Variants in NEMP1 observed in about 807,000 individuals in gnomAD.
NEMP1 encodes the protein nuclear envelope integral membrane protein 1.
Under a neutral mutation model 53.7 loss-of-function variants are expected in NEMP1, and 29 were observed. That is an observed-to-expected ratio of 0.54 (90% CI 0.40 to 0.74). The LOEUF (loss-of-function observed/expected upper bound fraction) is 0.74. Among genes scored for constraint, NEMP1 ranks in the 30% least tolerant of loss-of-function variants. The pLI is 0.00. For synonymous variants in NEMP1, 193 were observed against 192.9 expected (o/e 1.00, Z 0.00); for missense variants, 477 against 528.6 (o/e 0.90, Z 0.96).
At chr12:57,076,444 A>G (rs1423866618) in intron 1 of NEMP1, among the ~76,000 whole-genome samples, 1 of 150,786 alleles carries the variant, frequency 6.6e-6, no homozygotes, top group Non-Finnish European at 1.5e-5. Context: ...CGGGCGGAAC[A>G]CCTGAGGTCA....
intron 6 of NEMP1, among the ~76,000 whole-genome samples, chr12:57,063,850 TACC>T (rs2031939351): frequency 2.6e-5 from 4 of 152,148 alleles, no homozygotes; most frequent in Admixed American, 6.6e-5. Context: ...TATTTATAAA[TACC>T]AATAAATGAA....
In NEMP1 at chr12:57,075,989, A is replaced by G. The variant is rs556894031; in HGVS notation, c.127+2630T>C. On this transcript the variant is annotated intron_variant, in intron 1 of 8. Coordinates refer to ENST00000300128, the MANE Select transcript of NEMP1 (RefSeq NM_001130963.2). Reference sequence around the variant, plus strand: ...CATGGTGGCACACACCTGTAATCCCAGCTACTCGGGAGGGTGAGGTAGGAG... The same window carrying G: ...CATGGTGGCACACACCTGTAATCCCGGCTACTCGGGAGGGTGAGGTAGGAG... 1.3e-4 allele frequency among the ~76,000 whole-genome samples: 20 copies of G among 152,348 alleles called. No homozygotes were observed. The South Asian group carries it at 4.1e-3, about 32-fold the overall frequency.
chr12:57,085,953 AAC>A (rs2032977859), intron 1 of NEMP1, among the ~76,000 whole-genome samples: 1 of 152,252 alleles, frequency 6.6e-6, no homozygotes, highest in Non-Finnish European at 1.5e-5. Flanking sequence ...TCCACCAGAT[AAC>A]AGGCCTATCC....
At chr12:57,062,675 C>T (rs2031872187) in intron 7 of NEMP1, among the ~76,000 whole-genome samples, 1 of 151,640 alleles carries the variant, frequency 6.6e-6, no homozygotes, top group African/African-American at 2.4e-5. Context: ...ACATGGGGAA[C>T]CCTACTAAAA....
rs567289022 is a variant in NEMP1 at position 57,060,145 on chromosome 12, G to A, written c.1155-86C>T. 28 of 1,249,794 alleles carry A rather than the reference G, an allele frequency of 2.2e-5. No homozygotes were observed. In the South Asian group the frequency reaches 3.4e-4, roughly 15 times the overall value. 77.4% of individuals were successfully genotyped at this position (1,249,794 alleles called of 1,614,324 possible). On this transcript the variant is annotated intron_variant, in intron 8 of 8. Coordinates refer to ENST00000300128, the MANE Select transcript of NEMP1 (RefSeq NM_001130963.2). ...AAAATAAGAACAAATTAAAGCCCTC[G>A]ATATGCTCGCAACTCAAATTATATT...
In NEMP1 at chr12:57,058,220, C is replaced by A. The variant is rs2031623056; in HGVS notation, c.*1659G>T. The stretch of plus-strand genomic sequence containing the variant: ...TCTGGAAAACACTGGTGGAAATAAT[C>A]AACTGCCCACCTGGAGGGCAGTCTC... On this transcript the variant is annotated 3_prime_UTR_variant, in exon 9 of 9. Transcript: ENST00000300128. 1 of 152,202 alleles carries A rather than the reference C, an allele frequency of 6.6e-6. No individual in the cohort carries two copies. The highest frequency in any genetic ancestry group is 2.4e-5 in the African/African-American group (1 of 41,432). The allele number at this position is 152,202 out of a possible 1,614,324, so 9.4% of individuals were successfully genotyped here. A position where few individuals can be genotyped will look rare whatever the true frequency, so the allele number is the denominator to read the frequency against.
At chr12:57,072,365 G>A (rs113555947) in intron 2 of NEMP1, among the ~76,000 whole-genome samples, 6 of 152,064 alleles carry the variant, frequency 3.9e-5, no homozygotes, top group African/African-American at 1.4e-4. Context: ...GCTTGAACCC[G>A]GGAGGCAGAG....
chr12:57,066,954 A>G (rs956575500), intron 4 of NEMP1, among the ~76,000 whole-genome samples: 1 of 152,202 alleles, frequency 6.6e-6, no homozygotes, highest in Non-Finnish European at 1.5e-5. Flanking sequence ...CTCCCCAGCC[A>G]CCAGGAACTG....
intron 1 of NEMP1, among the ~76,000 whole-genome samples, chr12:57,086,071 A>T (rs1445107698): frequency 1.3e-5 from 2 of 152,202 alleles, no homozygotes; most frequent in East Asian, 1.9e-4. Flanking sequence ...TTCTGCCTGG[A>T]GGAGTGGAAG....
rs2031635163 is a variant in NEMP1, at chr12:57,058,445, G to C, written c.*1434C>G. 1 of 152,196 alleles carries C rather than the reference G, an allele frequency of 6.6e-6. No homozygotes were observed. The highest frequency in any genetic ancestry group is 6.5e-5 in the Admixed American group (1 of 15,280). 9.4% of individuals were successfully genotyped at this position (152,196 alleles called of 1,614,324 possible). A position where few individuals can be genotyped will look rare whatever the true frequency, so the allele number is the denominator to read the frequency against. ...GCTAAGGTAATTACAGACTTTTCCA[G>C]GGTATAAGGGTGAAGACCACAAAGA... On this transcript the variant is annotated 3_prime_UTR_variant, in exon 9 of 9. Coordinates refer to ENST00000300128, the MANE Select transcript of NEMP1 (RefSeq NM_001130963.2).
In NEMP1 at chr12:57,065,521, CTT is replaced by C. The variant is rs548466246; in HGVS notation, c.546-784_546-783del. On this transcript the variant is annotated intron_variant, in intron 4 of 8. Coordinates refer to ENST00000300128, the MANE Select transcript of NEMP1 (RefSeq NM_001130963.2). ...GCTTCTATATCAGTGCTTGGTTCAT[CTT>C]TTTTTTTTTTTTTTTTGAGACAAAG... 6.1e-3 allele frequency among the ~76,000 whole-genome samples: 818 copies of C among 134,860 alleles called. 4 individuals carry two copies. The highest frequency in any genetic ancestry group is 0.02 in the African/African-American group (723 of 36,178). 88.5% of individuals were successfully genotyped at this position (134,860 alleles called of 152,430 possible).
rs756399083 is a variant in NEMP1, at chr12:57,060,960, A to G, written c.981-15T>C. The G allele has an allele frequency of 1.2e-6, 2 of 1,609,544 alleles. No homozygotes were observed. The highest frequency in any genetic ancestry group is 1.1e-5 in the South Asian group (1 of 90,498). On this transcript the variant is annotated splice_polypyrimidine_tract_variant and intron_variant, in intron 7 of 8. Coordinates refer to ENST00000300128, the MANE Select transcript of NEMP1 (RefSeq NM_001130963.2). ...TACACACCTTTCTGTGCTCACCAAA[A>G]TAACATTATGAATCATTAATCAGTA... is the stretch of plus-strand genomic sequence containing the variant.
At chr12:57,061,898 C>G (rs2031827044) in intron 7 of NEMP1, among the ~76,000 whole-genome samples, 1 of 151,930 alleles carries the variant, frequency 6.6e-6, no homozygotes, top group African/African-American at 2.4e-5. Context: ...ACTCAGGAGG[C>G]TGAGGCAGGA....
intron 1 of NEMP1, among the ~76,000 whole-genome samples, chr12:57,075,390 T>TATAAA (rs2032556934): frequency 7.4e-6 from 1 of 135,860 alleles, no homozygotes; most frequent in Admixed American, 7.5e-5. Flanking sequence ...TCCATTTCAA[T>TATAAA]ATAAATAAAT....
upstream of NEMP1, among the ~76,000 whole-genome samples, chr12:57,088,480 C>A (rs961210791): frequency 1.3e-5 from 2 of 152,216 alleles, no homozygotes; most frequent in African/African-American, 4.8e-5. Flanking sequence ...AGAAGCCGCA[C>A]AGCCCAGCCT....
chr12:57,071,671 G>A lies in NEMP1; in HGVS notation c.253-778C>T, dbSNP rs368637241. On this transcript the variant is annotated intron_variant, in intron 2 of 8. Transcript: ENST00000300128. ...TGAGATTACAGGCATGAGCCACTGC[G>A]CCCGGCTTGTCAGACATTTTTTTTA... is the stretch of plus-strand genomic sequence containing the variant. Among the ~76,000 whole-genome samples, 31 of 152,190 alleles carry A rather than the reference G, an allele frequency of 2.0e-4. No homozygotes were observed. In the East Asian group the frequency reaches 3.1e-3, roughly 15 times the overall value.
chr12:57,078,921 A>G (rs939454898), upstream of NEMP1, among the ~76,000 whole-genome samples: 3 of 152,328 alleles, frequency 2.0e-5, no homozygotes, highest in South Asian at 6.2e-4. Context: ...GCAACTGAAG[A>G]GAGAGGGCGG....
At chr12:57,084,056 A>C (rs1024259280) in intron 1 of NEMP1, among the ~76,000 whole-genome samples, 3 of 152,044 alleles carry the variant, frequency 2.0e-5, no homozygotes, top group Admixed American at 6.6e-5. Flanking sequence ...TCTGCTTCCC[A>C]GGTTCAAGCG....
At chr12:57,085,393 G>C (rs1203164601) in intron 1 of NEMP1, among the ~76,000 whole-genome samples, 1 of 152,086 alleles carries the variant, frequency 6.6e-6, no homozygotes, top group Non-Finnish European at 1.5e-5. Context: ...TTGGATGCCT[G>C]TCTAAACCAA....
Sources: gnomAD v4.1 joint callset for allele counts (sites outside exome capture counted in the v4.1 genomes callset) on GRCh38, gnomAD v4.1.1 for gene constraint, MANE v1.5 for transcripts, NCBI Gene and HGNC (gene_info 2026-07-23, HGNC 2026-07-21) for gene names.